KIZ: variants seen among roughly 807,000 people sequenced by gnomAD.
KIZ encodes the protein kizuna centrosomal protein.
In KIZ, 68 loss-of-function variants were observed where a neutral mutation model predicts 79.6. The observed-to-expected ratio is 0.85, with a 90% CI of 0.70 to 1.05. The LOEUF is 1.05. KIZ is among the 50% of genes least tolerant of loss of function. The pLI is 0.00. For missense variants in KIZ, 797 were observed against 800.4 expected (o/e 1.00, Z 0.05); for synonymous variants, 280 against 281.8 (o/e 0.99, Z 0.06).
chr20:21,146,787 G>A (rs759916841), intron 4 of KIZ, among the ~76,000 whole-genome samples: 12 of 151,682 alleles, frequency 7.9e-5, no homozygotes, highest in Non-Finnish European at 1.8e-4. Flanking sequence ...ATTAATCTGA[G>A]TTTATAGGAA....
In KIZ at chr20:21,147,323, C is replaced by G. The variant is rs533305662; in HGVS notation, c.405+1669C>G. On this transcript the variant is annotated intron_variant, in intron 4 of 12. Transcript: ENST00000619189. ...TTTCCTTAAAAGCTTTGACTATTGG[C>G]TGTATAAGAATCGATTAGGTAACAC... 5.3e-5 allele frequency among the ~76,000 whole-genome samples: 8 copies of G among 152,282 alleles called. No homozygotes were observed. The East Asian group carries it at 1.5e-3, about 29-fold the overall frequency.
At chr20:21,232,659 G>C in intron 10 of KIZ, 75 bp from the exon 11 acceptor site, 1 of 759,092 alleles carries the variant, frequency 1.3e-6, no homozygotes, top group East Asian at 2.7e-5. Flanking sequence ...AACTTACTGT[G>C]AGGCCACTTT....
intron 4 of KIZ, among the ~76,000 whole-genome samples, chr20:21,157,816 G>T (rs2033455984): frequency 6.6e-6 from 1 of 152,158 alleles, no homozygotes; most frequent in African/African-American, 2.4e-5. Context: ...AGAGGAAGGT[G>T]CTTAGGCCTG....
intron 4 of KIZ, among the ~76,000 whole-genome samples, chr20:21,157,673 G>T (rs990914064): frequency 6.6e-6 from 1 of 152,118 alleles, no homozygotes; most frequent in Non-Finnish European, 1.5e-5. Context: ...TATCTTAGGG[G>T]GTTGGAGACA....
At chr20:21,202,778 C>T (rs2035649527) in intron 6 of KIZ, among the ~76,000 whole-genome samples, 1 of 152,154 alleles carries the variant, frequency 6.6e-6, no homozygotes, top group Non-Finnish European at 1.5e-5. Context: ...TCCATCCTTC[C>T]ATCAATCCTT....
chr20:21,241,304 G>A (rs1004092502), intron 11 of KIZ, among the ~76,000 whole-genome samples: 2 of 152,150 alleles, frequency 1.3e-5, no homozygotes, highest in African/African-American at 2.4e-5. Context: ...ATGAATTGCA[G>A]GGTCACATTT....
At chr20:21,187,516 T>G (rs1026038049) in intron 6 of KIZ, among the ~76,000 whole-genome samples, 1 of 152,178 alleles carries the variant, frequency 6.6e-6, no homozygotes, top group Non-Finnish European at 1.5e-5. Flanking sequence ...TGAGCCGAAA[T>G]TCAGTAAGCC....
intron 6 of KIZ, among the ~76,000 whole-genome samples, chr20:21,171,775 T>C (rs987642432): frequency 3.9e-5 from 6 of 152,234 alleles, no homozygotes; most frequent in African/African-American, 9.6e-5. Context: ...GGTTGAGTTA[T>C]ACATAAAAGG....
chr20:21,241,431 A>G (rs1447459863), intron 11 of KIZ, among the ~76,000 whole-genome samples: 4 of 152,248 alleles, frequency 2.6e-5, no homozygotes, highest in Non-Finnish European at 5.9e-5. Context: ...CACCACGCAC[A>G]TTTAGCTCTG....
At chr20:21,166,416 A>G (rs2033941539) in intron 6 of KIZ, 2 of 1,595,664 alleles carry the variant, frequency 1.3e-6, no homozygotes, top group Admixed American at 1.7e-5. Flanking sequence ...GTTCACAACA[A>G]TTTCCCAGCT....
intron 6 of KIZ, among the ~76,000 whole-genome samples, chr20:21,179,788 T>C (rs2034577802): frequency 6.6e-6 from 1 of 152,198 alleles, no homozygotes; most frequent in African/African-American, 2.4e-5. Flanking sequence ...GTCTCAGATG[T>C]TTTCTAATGT....
rs115356670 is a variant in KIZ, at chr20:21,147,747, C to T, written c.405+2093C>T. 7.0e-3 allele frequency among the ~76,000 whole-genome samples: 1,059 copies of T among 152,284 alleles called. 15 individuals carry two copies. Among genetic ancestry groups the T allele is most frequent in the African/African-American group, 0.024 (994 of 41,558 alleles). On this transcript the variant is annotated intron_variant, in intron 4 of 12. Coordinates refer to ENST00000619189, the MANE Select transcript of KIZ (RefSeq NM_018474.6). ...ATAGTGTGTGATAAAGTGCCAGTCA[C>T]GTGGGACAAACATGAGCAATGAGAA... is the stretch of plus-strand genomic sequence containing the variant.
intron 6 of KIZ, among the ~76,000 whole-genome samples, chr20:21,176,469 C>G (rs1223152778): frequency 6.6e-6 from 1 of 151,890 alleles, no homozygotes; most frequent in African/African-American, 2.4e-5. Context: ...AACATAAAAC[C>G]TCAGCTTGAA....
intron 4 of KIZ, chr20:21,160,866 T>TG (rs1030230585): frequency 7.2e-5 from 11 of 152,248 alleles, no homozygotes; most frequent in African/African-American, 2.7e-4. Context: ...AGCAGAAAGA[T>TG]GCTGTCTGAG....
At chr20:21,194,226 A>G (rs1043905126) in intron 6 of KIZ, 22 of 152,184 alleles carry the variant, frequency 1.4e-4, no homozygotes, top group African/African-American at 4.3e-4. Flanking sequence ...TCCACAAGTT[A>G]CTTGTCATTC....
At chr20:21,185,088 G>A (rs544982011) in intron 6 of KIZ, among the ~76,000 whole-genome samples, 51 of 152,176 alleles carry the variant, frequency 3.4e-4, no homozygotes, top group South Asian at 2.5e-3. Context: ...CTGTGTGTAC[G>A]TGTGTGTATG....
rs750460795 is a variant in KIZ at position 21,205,489 on chromosome 20, A to C, written c.1353-2A>C. The C allele has an allele frequency of 2.1e-6, 3 of 1,400,958 alleles. No individual in the cohort carries two copies. Among genetic ancestry groups the C allele is most frequent in the Non-Finnish European group, 3.0e-6 (3 of 1,007,848 alleles). 86.8% of individuals were successfully genotyped at this position (1,400,958 alleles called of 1,614,324 possible). A position where few individuals can be genotyped will look rare whatever the true frequency, so the allele number is the denominator to read the frequency against. On this transcript the variant is annotated splice_acceptor_variant, in intron 6 of 12. Transcript: ENST00000619189. LOFTEE classifies it high-confidence loss of function. ...AGTGAGTGTCCTGTTTCTGTTTTATAGACCTGGACAAACACCAGACTCAGA... is the reference window on the plus strand; with the variant it reads ...AGTGAGTGTCCTGTTTCTGTTTTATCGACCTGGACAAACACCAGACTCAGA...
intron 6 of KIZ, among the ~76,000 whole-genome samples, chr20:21,169,015 A>T (rs1290244430): frequency 6.6e-6 from 1 of 152,212 alleles, no homozygotes; most frequent in Non-Finnish European, 1.5e-5. Flanking sequence ...TTCAGGCCAT[A>T]GGCATGGGCA....
chr20:21,242,915 C>A (rs2037267533), intron 11 of KIZ, among the ~76,000 whole-genome samples: 1 of 152,140 alleles, frequency 6.6e-6, no homozygotes, highest in African/African-American at 2.4e-5. Context: ...GTATGGACCG[C>A]GGCTGGCAAA....
Sources: allele counts gnomAD v4.1 joint callset (sites outside exome capture counted in the v4.1 genomes callset), GRCh38; gene constraint gnomAD v4.1.1; transcripts MANE v1.5; gene names NCBI Gene and HGNC (gene_info 2026-07-23, HGNC 2026-07-21).